Variants in NFATC2 observed in about 807,000 individuals in gnomAD.
The protein encoded by NFATC2 is nuclear factor of activated T-cells, cytoplasmic 2.
Under a neutral mutation model 87.3 loss-of-function variants are expected in NFATC2, and 22 were observed. The observed-to-expected ratio is 0.25, with a 90% CI of 0.18 to 0.36. NFATC2 has a LOEUF of 0.36. Among genes scored for constraint, NFATC2 ranks in the 10% least tolerant of loss-of-function variants. The pLI, the probability that NFATC2 is intolerant of heterozygous loss-of-function variation, is 1.00. For missense variants in NFATC2, 1,149 were observed against 1,259.1 expected (o/e 0.91, Z 1.32); for synonymous variants, 565 against 542.2 (o/e 1.04, Z -0.58).
chr20:51,526,596 C>T lies in NFATC2; in HGVS notation c.131-2486G>A, dbSNP rs980369952. On this transcript the variant is annotated intron_variant, in intron 1 of 10. Transcript: ENST00000371564. ...AATAAGTAAATATAAGAACCATGTC[C>T]GGGGCCTGCCAGCCAGAAACAAGCC... is the stretch of plus-strand genomic sequence containing the variant. 5.9e-4 allele frequency among the ~76,000 whole-genome samples: 90 copies of T among 152,130 alleles called. 1 individual carries two copies. The highest frequency in any genetic ancestry group is 1.0e-4 in the Non-Finnish European group (7 of 68,028).
chr20:51,454,666 C>T lies in NFATC2; in HGVS notation c.1731G>A (p.Leu577=), dbSNP rs755085105. The T allele has an allele frequency of 6.2e-7, 1 of 1,614,016 alleles. No homozygotes were observed. The highest frequency in any genetic ancestry group is 8.5e-7 in the Non-Finnish European group (1 of 1,180,004). ...IECSQRSAHE[L]PMVERQDTDS... ...CTGTGTCTTGTCTTTCAACCATGGG[C>T]AGCTCGTGAGCAGATCGCTGGGCTG... The change falls in exon 6 of 11, where the codon CTG becomes CTA. Residue 577 remains leucine (L), a synonymous_variant. Coordinates refer to ENST00000371564, the MANE Select transcript of NFATC2 (RefSeq NM_012340.5).
chr20:51,435,062 A>G, intron 8 of NFATC2, 126 bp downstream of exon 8: 1 of 1,188,070 alleles, frequency 8.4e-7, no homozygotes, highest in East Asian at 2.4e-5. Flanking sequence ...AGATGATGCA[A>G]CTGAGGCTCA....
intron 3 of NFATC2, among the ~76,000 whole-genome samples, chr20:51,496,341 G>A (rs1298240261): frequency 1.3e-5 from 2 of 152,054 alleles, no homozygotes; most frequent in Non-Finnish European, 2.9e-5. Context: ...CTGTGGACAG[G>A]CTCAGGTCTT....
intron 4 of NFATC2, 87 bp from the exon 5 acceptor site, chr20:51,474,239 C>A: frequency 6.6e-7 from 1 of 1,514,264 alleles, no homozygotes; most frequent in Non-Finnish European, 9.0e-7. Flanking sequence ...TACAGCCAGT[C>A]ACTGGGGGAA....
chr20:51,543,012 T>C (rs564614789), upstream of NFATC2, among the ~76,000 whole-genome samples: 8 of 152,270 alleles, frequency 5.3e-5, no homozygotes, highest in South Asian at 1.5e-3. Flanking sequence ...CTAGGACTTT[T>C]GCCCTAAGGG....
chr20:51,512,537 A>C (rs1361772476), intron 3 of NFATC2, among the ~76,000 whole-genome samples: 3 of 152,252 alleles, frequency 2.0e-5, no homozygotes, highest in African/African-American at 7.2e-5. Context: ...AGATCTGACA[A>C]GCACTTAAGG....
At chr20:51,403,360 C>A (rs1287042939) in intron 9 of NFATC2, among the ~76,000 whole-genome samples, 1 of 152,184 alleles carries the variant, frequency 6.6e-6, no homozygotes, top group Non-Finnish European at 1.5e-5. Flanking sequence ...TCTCAAAGGC[C>A]ACCTGGAGTG....
At chr20:51,515,010 C>T (rs1487859242) in intron 3 of NFATC2, among the ~76,000 whole-genome samples, 1 of 152,192 alleles carries the variant, frequency 6.6e-6, no homozygotes, top group Admixed American at 6.5e-5. Context: ...GGGGACAGCT[C>T]CCCTGCCACG....
At chr20:51,398,099 C>G (rs1297017206) in intron 10 of NFATC2, among the ~76,000 whole-genome samples, 1 of 152,060 alleles carries the variant, frequency 6.6e-6, no homozygotes, top group Non-Finnish European at 1.5e-5. Flanking sequence ...ATCCAGAAAC[C>G]AAGTAGCAGA....
At chr20:51,507,661 T>C (rs955260332) in intron 3 of NFATC2, among the ~76,000 whole-genome samples, 1 of 152,224 alleles carries the variant, frequency 6.6e-6, no homozygotes, top group African/African-American at 2.4e-5. Flanking sequence ...GTCCCAAAGC[T>C]ACCAAACCCT....
intron 9 of NFATC2, among the ~76,000 whole-genome samples, chr20:51,405,298 G>T (rs543577292): frequency 6.6e-6 from 1 of 152,058 alleles, no homozygotes; most frequent in East Asian, 1.9e-4. Flanking sequence ...CACATGCAAC[G>T]CGAGGCCAAC....
chr20:51,542,324 GCCCCTGGCGGGCT>G (rs774763603), intron 1 of NFATC2, 33 bp downstream of exon 1: 1 of 1,581,284 alleles, frequency 6.3e-7, no homozygotes, highest in South Asian at 1.1e-5. Context: ...CCAGGCCTGA[GCCCCTGGCGGGCT>G]CAGGGGCCAG....
chr20:51,502,462 C>T (rs1433407516), intron 3 of NFATC2, among the ~76,000 whole-genome samples: 1 of 152,188 alleles, frequency 6.6e-6, no homozygotes. Flanking sequence ...CTAGCCAAGA[C>T]TACAGGCATG....
At chr20:51,391,781 G>C (rs147232859) in intron 10 of NFATC2, among the ~76,000 whole-genome samples, 9 of 152,132 alleles carry the variant, frequency 5.9e-5, no homozygotes, top group African/African-American at 1.7e-4. Flanking sequence ...CTCCCAAAGT[G>C]TTGGGATTAC....
intron 9 of NFATC2, among the ~76,000 whole-genome samples, chr20:51,414,361 G>T (rs1018776086): frequency 1.3e-5 from 2 of 152,224 alleles, no homozygotes. Flanking sequence ...CAGAGACATT[G>T]TCAGAGCCTT....
intron 2 of NFATC2, among the ~76,000 whole-genome samples, chr20:51,521,280 T>C (rs2076440699): frequency 6.6e-6 from 1 of 152,236 alleles, no homozygotes. Flanking sequence ...CCCACACCAA[T>C]CAAAAGAGCT....
intron 3 of NFATC2, among the ~76,000 whole-genome samples, chr20:51,502,556 G>A (rs553277733): frequency 4.6e-5 from 7 of 152,128 alleles, no homozygotes; most frequent in African/African-American, 1.7e-4. Context: ...AGCTTGTCTC[G>A]AACTCCTGGC....
chr20:51,537,597 C>G (rs931176558), intron 1 of NFATC2, among the ~76,000 whole-genome samples: 2 of 152,216 alleles, frequency 1.3e-5, no homozygotes, highest in African/African-American at 2.4e-5. Context: ...GATCCGGCAT[C>G]TCTGGAGGTG....
At chr20:51,457,059 T>C (rs924864103) in intron 5 of NFATC2, among the ~76,000 whole-genome samples, 2 of 152,226 alleles carry the variant, frequency 1.3e-5, no homozygotes, top group Non-Finnish European at 2.9e-5. Context: ...GCTACAAGGA[T>C]AGATTACAAA....
Sources: allele counts gnomAD v4.1 joint callset (sites outside exome capture counted in the v4.1 genomes callset), GRCh38; gene constraint gnomAD v4.1.1; transcripts MANE v1.5; gene names NCBI Gene and HGNC (gene_info 2026-07-23, HGNC 2026-07-21).